Variants in RSPO2 observed in about 807,000 individuals in gnomAD.
The protein encoded by RSPO2 is R-spondin 2, also known as R-spondin-2.
Under a neutral mutation model 30.9 loss-of-function variants are expected in RSPO2, and 14 were observed. That is an observed-to-expected ratio of 0.45 (90% CI 0.30 to 0.71). The LOEUF is 0.71. Among genes scored for constraint, RSPO2 ranks in the 30% least tolerant of loss-of-function variants. The pLI is 0.08. For missense variants in RSPO2, 264 were observed against 301.9 expected (o/e 0.87, Z 0.93); for synonymous variants, 107 against 96.4 (o/e 1.11, Z -0.64).
At chr8:107,908,226 C>G (rs149937612) in intron 5 of RSPO2, among the ~76,000 whole-genome samples, 5 of 152,212 alleles carry the variant, frequency 3.3e-5, no homozygotes, top group African/African-American at 1.2e-4. Flanking sequence ...TATTCCATAA[C>G]CTTTTTCAGC....
intron 2 of RSPO2, among the ~76,000 whole-genome samples, chr8:108,056,623 C>CAAAAAAAAA (rs56256415): frequency 3.6e-4 from 26 of 71,806 alleles, no homozygotes; most frequent in African/African-American, 1.4e-3. Context: ...AGACCCGTCT[C>CAAAAAAAAA]AAAAAAAAAA....
chr8:107,957,860 A>G (rs1170961663), intron 5 of RSPO2, among the ~76,000 whole-genome samples: 1 of 152,200 alleles, frequency 6.6e-6, no homozygotes, highest in Admixed American at 6.5e-5. Flanking sequence ...TACTCTCCTA[A>G]GTTATGTTTA....
At chr8:107,923,100 C>T (rs1812236038) in intron 5 of RSPO2, among the ~76,000 whole-genome samples, 1 of 152,090 alleles carries the variant, frequency 6.6e-6, no homozygotes, top group Non-Finnish European at 1.5e-5. Context: ...AACTTACGAG[C>T]TTCTGCACAG....
At chr8:107,928,236 TATA>T (rs1812446951) in intron 5 of RSPO2, among the ~76,000 whole-genome samples, 1 of 152,202 alleles carries the variant, frequency 6.6e-6, no homozygotes, top group South Asian at 2.1e-4. Flanking sequence ...CCAGGTTCCA[TATA>T]ATCTCTACAT....
chr8:107,959,170 C>G (rs1813539434), intron 4 of RSPO2, among the ~76,000 whole-genome samples: 1 of 152,180 alleles, frequency 6.6e-6, no homozygotes, highest in South Asian at 2.1e-4. Flanking sequence ...AGATGGGGAG[C>G]TTGCTTTGCA....
chr8:108,062,688 C>A (rs1812510711), intron 2 of RSPO2, among the ~76,000 whole-genome samples: 1 of 151,902 alleles, frequency 6.6e-6, no homozygotes, highest in Middle Eastern at 3.4e-3. Flanking sequence ...TTTTATGAGG[C>A]CAGAATCATC....
At chr8:108,024,019 C>G (rs1464517366) in intron 2 of RSPO2, among the ~76,000 whole-genome samples, 3 of 152,038 alleles carry the variant, frequency 2.0e-5, no homozygotes, top group Non-Finnish European at 4.4e-5. Context: ...AATTAAATTA[C>G]TAAAATTTCA....
At chr8:108,079,620 G>C (rs1273159080) in intron 2 of RSPO2, among the ~76,000 whole-genome samples, 1 of 151,248 alleles carries the variant, frequency 6.6e-6, no homozygotes, top group African/African-American at 2.4e-5. Context: ...TGAGATCATA[G>C]AGCAGACTAA....
At chr8:108,002,779 C>T (rs2130562553) in intron 2 of RSPO2, among the ~76,000 whole-genome samples, 1 of 152,272 alleles carries the variant, frequency 6.6e-6, no homozygotes, top group East Asian at 1.9e-4. Flanking sequence ...ATGGGTTTTA[C>T]CACTGTGTTT....
At chr8:108,004,783 T>C (rs1017716369) in intron 2 of RSPO2, among the ~76,000 whole-genome samples, 3 of 152,222 alleles carry the variant, frequency 2.0e-5, no homozygotes, top group Non-Finnish European at 4.4e-5. Flanking sequence ...AAGTATAATT[T>C]ACAGATATTC....
At chr8:107,964,900 T>C (rs528252338) in intron 3 of RSPO2, among the ~76,000 whole-genome samples, 1 of 152,154 alleles carries the variant, frequency 6.6e-6, no homozygotes, top group Non-Finnish European at 1.5e-5. Flanking sequence ...CAGGAAAAAA[T>C]AGAAATCCTT....
intron 3 of RSPO2, among the ~76,000 whole-genome samples, chr8:107,969,848 T>C (rs1418109096): frequency 6.6e-6 from 1 of 152,206 alleles, no homozygotes; most frequent in African/African-American, 2.4e-5. Context: ...CTTGTGCTTT[T>C]CCTTTTTTGG....
intron 2 of RSPO2, among the ~76,000 whole-genome samples, chr8:108,058,313 G>C (rs550844210): frequency 6.6e-6 from 1 of 152,202 alleles, no homozygotes; most frequent in Admixed American, 6.5e-5. Context: ...ACCTCTTCAA[G>C]GAGAACTACA....
intron 2 of RSPO2, among the ~76,000 whole-genome samples, chr8:108,069,434 A>G (rs1384402372): frequency 1.3e-5 from 2 of 152,150 alleles, no homozygotes; most frequent in Non-Finnish European, 2.9e-5. Flanking sequence ...GGATGGTCGC[A>G]ATCTCTTGAC....
At chr8:107,998,058 T>C (rs1426843687) in intron 2 of RSPO2, among the ~76,000 whole-genome samples, 1 of 152,228 alleles carries the variant, frequency 6.6e-6, no homozygotes, top group Non-Finnish European at 1.5e-5. Flanking sequence ...AGCCTCACTC[T>C]GTATTTGCTG....
intron 2 of RSPO2, among the ~76,000 whole-genome samples, chr8:108,013,689 T>C (rs1000052999): frequency 2.6e-5 from 4 of 152,064 alleles, no homozygotes; most frequent in African/African-American, 7.2e-5. Flanking sequence ...ACACCTTATA[T>C]AAAAATTAAC....
chr8:107,952,385 C>T (rs1451178512), intron 5 of RSPO2, among the ~76,000 whole-genome samples: 1 of 152,012 alleles, frequency 6.6e-6, no homozygotes, highest in Non-Finnish European at 1.5e-5. Flanking sequence ...TTTAAAATGA[C>T]TAACACAAAT....
intron 5 of RSPO2, among the ~76,000 whole-genome samples, chr8:107,906,805 GT>G (rs1230351715): frequency 2.6e-5 from 4 of 151,958 alleles, no homozygotes; most frequent in African/African-American, 7.2e-5. Context: ...AATAAAAATT[GT>G]AGTGTATAAC....
At chr8:108,068,376 A>G (rs1009476178) in intron 2 of RSPO2, among the ~76,000 whole-genome samples, 2 of 151,950 alleles carry the variant, frequency 1.3e-5, no homozygotes, top group Non-Finnish European at 2.9e-5. Flanking sequence ...TCCAATATAC[A>G]CTCTGTAGCT....
Sources: gnomAD v4.1 joint callset for allele counts (sites outside exome capture counted in the v4.1 genomes callset) on GRCh38, gnomAD v4.1.1 for gene constraint, MANE v1.5 for transcripts, NCBI Gene and HGNC (gene_info 2026-07-23, HGNC 2026-07-21) for gene names.